Variants in POPDC2 observed in about 807,000 individuals in gnomAD.
POPDC2 encodes the protein popeye domain-containing protein 2.
Under a neutral mutation model 30.5 loss-of-function variants are expected in POPDC2, and 24 were observed. That is an observed-to-expected ratio of 0.79 (90% CI 0.57 to 1.11). The LOEUF is 1.11. Ranked by LOEUF, POPDC2 falls within the 50% of genes least tolerant of loss-of-function variation. The pLI, the probability that POPDC2 is intolerant of heterozygous loss-of-function variation, is 0.00. For synonymous variants in POPDC2, 185 were observed against 183.3 expected (o/e 1.01, Z -0.07); for missense variants, 409 against 447.0 (o/e 0.91, Z 0.77).
chr3:119,654,004 G>C (rs2052847862), intron 2 of POPDC2, among the ~76,000 whole-genome samples: 1 of 152,064 alleles, frequency 6.6e-6, no homozygotes, highest in Non-Finnish European at 1.5e-5. Context: ...GTGAGGCTGT[G>C]GGGTGGAAGC....
At chr3:119,650,679 A>C (rs975792174) in intron 2 of POPDC2, among the ~76,000 whole-genome samples, 5 of 152,160 alleles carry the variant, frequency 3.3e-5, no homozygotes, top group Non-Finnish European at 5.9e-5. Flanking sequence ...TCCGCTCTTG[A>C]ACCATTCCCT....
intron 3 of POPDC2, among the ~76,000 whole-genome samples, chr3:119,645,903 G>A (rs1354311810): frequency 6.6e-6 from 1 of 152,162 alleles, no homozygotes; most frequent in African/African-American, 2.4e-5. Flanking sequence ...GGTCCAACAC[G>A]CTCAAATGAA....
rs979069296 is a variant in POPDC2, at chr3:119,648,615, A to T, written c.654T>A (p.Ser218Arg). 1 of 1,614,136 alleles carries T rather than the reference A, an allele frequency of 6.2e-7. No homozygotes were observed. The part of the protein sequence containing the change: ...SCSYISWPRK[S>R]LHLLLTKERY... ...GCTCTTTGGTCAGAAGAAGATGGAG[A>T]CTTTTCCGGGGCCAGGAAATGTAGC... The change falls in exon 3 of 4, where the codon AGT (serine) becomes AGA (arginine). Residue 218 changes from serine to arginine, a missense_variant. Transcript: ENST00000493094.
chr3:119,642,943 G>T (rs2052707422), intron 3 of POPDC2, among the ~76,000 whole-genome samples: 1 of 152,282 alleles, frequency 6.6e-6, no homozygotes, highest in South Asian at 2.1e-4. Flanking sequence ...CAGAAAGATG[G>T]GTAGGAAAAT....
intron 3 of POPDC2, among the ~76,000 whole-genome samples, chr3:119,645,263 T>C (rs2052732291): frequency 6.6e-6 from 1 of 152,100 alleles, no homozygotes; most frequent in African/African-American, 2.4e-5. Flanking sequence ...TCCTCTCTCA[T>C]AAAATATCCG....
At chr3:119,659,505 C>G (rs2052916109) in intron 1 of POPDC2, among the ~76,000 whole-genome samples, 1 of 152,202 alleles carries the variant, frequency 6.6e-6, no homozygotes, top group African/African-American at 2.4e-5. Flanking sequence ...ACAGTTGGTG[C>G]TTAGCAAATG....
intron 3 of POPDC2, among the ~76,000 whole-genome samples, chr3:119,644,068 AAT>A (rs2052718535): frequency 6.9e-6 from 1 of 143,962 alleles, no homozygotes; most frequent in African/African-American, 2.5e-5. Context: ...ATATATAGTA[AAT>A]AGTGTTTATT....
At position 119,653,973 on chromosome 3, in the gene POPDC2, T is replaced by TAGGCTGTGGGGTGGAAGCTGGTG. The variant is rs1163569759; in HGVS notation, c.600+509_600+531dup. Among the ~76,000 whole-genome samples, 4 of 139,864 alleles carry TAGGCTGTGGGGTGGAAGCTGGTG rather than the reference T, an allele frequency of 2.9e-5. No individual in the cohort carries two copies. The South Asian group carries it at 1.1e-3, about 37-fold the overall frequency. The allele number at this position is 139,864 out of a possible 152,430, so 91.8% of individuals were successfully genotyped here. A position where few individuals can be genotyped will look rare whatever the true frequency, so the allele number is the denominator to read the frequency against. ...GACTAGAACAGGCACACAGGAGTGC[T>TAGGCTGTGGGGTGGAAGCTGGTG]AGGCTGTGGGGTGGAAGCTGGTGAG... On this transcript the variant is annotated intron_variant, in intron 2 of 3. Transcript: ENST00000493094.
chr3:119,652,704 C>A (rs536511119), intron 2 of POPDC2, among the ~76,000 whole-genome samples: 15 of 152,250 alleles, frequency 9.9e-5, no homozygotes, highest in South Asian at 4.1e-4. Flanking sequence ...TGAGAGAGTT[C>A]CTGAAGAAGG....
chr3:119,648,818 G>A, intron 2 of POPDC2, 150 bp from the exon 3 acceptor site: 1 of 687,252 alleles, frequency 1.5e-6, no homozygotes, highest in South Asian at 1.9e-5. Context: ...CCTGGAGGAG[G>A]TCTAGTGGAT....
At position 119,642,720 on chromosome 3, in the gene POPDC2, C is replaced by T. The variant is rs112071257; in HGVS notation, c.*44-159G>A. 6.5e-3 allele frequency among the ~76,000 whole-genome samples: 992 copies of T among 152,262 alleles called. 5 individuals are homozygous for T. The highest frequency in any genetic ancestry group is 0.022 in the African/African-American group (929 of 41,548). On this transcript the variant is annotated intron_variant, in intron 3 of 3. Coordinates refer to ENST00000493094, the MANE Select transcript of POPDC2 (RefSeq NM_001369919.2). ...GATAGGGGCAGGTGTACCTTCGAAT[C>T]ATTTCATACTAGAATATTAGGGCAA...
At chr3:119,653,686 C>T (rs866549154) in intron 2 of POPDC2, among the ~76,000 whole-genome samples, 1 of 152,206 alleles carries the variant, frequency 6.6e-6, no homozygotes, top group South Asian at 2.1e-4. Context: ...ATCGTGTTAG[C>T]CAGGATGGTC....
At chr3:119,643,190 C>T (rs530478934) in intron 3 of POPDC2, among the ~76,000 whole-genome samples, 1 of 152,350 alleles carries the variant, frequency 6.6e-6, no homozygotes, top group South Asian at 2.1e-4. Flanking sequence ...TGTTTGCTAG[C>T]ACTGACAGCT....
intron 1 of POPDC2, among the ~76,000 whole-genome samples, chr3:119,655,367 A>G (rs1200893036): frequency 1.3e-5 from 2 of 152,196 alleles, no homozygotes; most frequent in African/African-American, 2.4e-5. Flanking sequence ...TTAAGTTTAC[A>G]TTTACATTAA....
Position 119,648,109 on chromosome 3 carries a change from G to C in POPDC2, c.*43+10C>G. The C allele has an allele frequency of 2.8e-6, 4 of 1,444,776 alleles. No homozygotes were observed. The highest frequency in any genetic ancestry group is 1.5e-5 in the South Asian group (1 of 68,952). 89.5% of individuals were successfully genotyped at this position (1,444,776 alleles called of 1,614,324 possible). A position where few individuals can be genotyped will look rare whatever the true frequency, so the allele number is the denominator to read the frequency against. ...CAGGAATGTGCAGCGGCTGCCTTCT[G>C]AGTACTTACATAGGATCCTGAGCCG... On this transcript the variant is annotated intron_variant, in intron 3 of 3. Coordinates refer to ENST00000493094, the MANE Select transcript of POPDC2 (RefSeq NM_001369919.2).
At chr3:119,647,851 CA>C (rs957116775) in intron 3 of POPDC2, among the ~76,000 whole-genome samples, 1 of 152,072 alleles carries the variant, frequency 6.6e-6, no homozygotes, top group African/African-American at 2.4e-5. Flanking sequence ...AATAAACTTG[CA>C]AAAAAACAGC....
At chr3:119,660,737 G>A, upstream of POPDC2, 1 of 229,140 alleles carries the variant, frequency 4.4e-6, no homozygotes, top group East Asian at 9.2e-5. Context: ...AGCTTCCTTG[G>A]TTCCATGTTT....
chr3:119,651,828 G>T (rs1291099113), intron 2 of POPDC2, among the ~76,000 whole-genome samples: 1 of 152,068 alleles, frequency 6.6e-6, no homozygotes, highest in Non-Finnish European at 1.5e-5. Context: ...TAGAGATGGG[G>T]TTTCACCATG....
chr3:119,653,252 T>C (rs1367929160), intron 2 of POPDC2, among the ~76,000 whole-genome samples: 2 of 152,152 alleles, frequency 1.3e-5, no homozygotes, highest in Admixed American at 1.3e-4. Flanking sequence ...ATTCAACCCA[T>C]AGAGTTGTTA....
Sources: gnomAD v4.1 joint callset for allele counts (sites outside exome capture counted in the v4.1 genomes callset) on GRCh38, gnomAD v4.1.1 for gene constraint, MANE v1.5 for transcripts, NCBI Gene and HGNC (gene_info 2026-07-23, HGNC 2026-07-21) for gene names.